Variants in MTAP observed in about 807,000 individuals in gnomAD.
MTAP encodes the protein methylthioadenosine phosphorylase.
Under a neutral mutation model 33.6 loss-of-function variants are expected in MTAP, and 33 were observed. The observed-to-expected ratio is 0.98, with a 90% CI of 0.74 to 1.31. The LOEUF (loss-of-function observed/expected upper bound fraction) is 1.31. Among genes scored for constraint, MTAP ranks in the 40% most tolerant of loss-of-function variants. The pLI, the probability that MTAP is intolerant of heterozygous loss-of-function variation, is 0.00. For synonymous variants in MTAP, 148 were observed against 125.7 expected (o/e 1.18, Z -1.19); for missense variants, 367 against 360.0 (o/e 1.02, Z -0.16).
intron 1 of MTAP, among the ~76,000 whole-genome samples, chr9:21,928,980 C>T (rs1031615852): frequency 6.6e-5 from 10 of 151,914 alleles, no homozygotes; most frequent in Non-Finnish European, 1.0e-4. Context: ...ACAAACCCAA[C>T]GTCGGAAGGG....
chr9:21,900,145 A>C (rs1035305369), intron 1 of MTAP, among the ~76,000 whole-genome samples: 1 of 152,210 alleles, frequency 6.6e-6, no homozygotes, highest in Non-Finnish European at 1.5e-5. Context: ...GGAAGACTCC[A>C]AAAGCAATTG....
chr9:21,876,492 A>G (rs1031099777), intron 1 of MTAP, among the ~76,000 whole-genome samples: 1 of 152,086 alleles, frequency 6.6e-6, no homozygotes, highest in Non-Finnish European at 1.5e-5. Context: ...CAGGGATTTT[A>G]TAGTTTGGAG....
chr9:21,807,875 T>TA (rs953078823), intron 1 of MTAP, among the ~76,000 whole-genome samples: 1 of 152,232 alleles, frequency 6.6e-6, no homozygotes, highest in African/African-American at 2.4e-5. Context: ...TATGGATTAG[T>TA]AAAAATCTTA....
chr9:21,823,866 A>G lies in MTAP; in HGVS notation c.347+5664A>G, dbSNP rs142803102. On this transcript the variant is annotated intron_variant, in intron 4 of 7. Transcript: ENST00000644715. ...CTTCATTTCATTCATCTGATCTTCAATCACTGATACCCTTTCTTCCAGTTG... is the reference window on the plus strand; with the variant it reads ...CTTCATTTCATTCATCTGATCTTCAGTCACTGATACCCTTTCTTCCAGTTG... Among the ~76,000 whole-genome samples, 1,153 of 152,246 alleles carry G rather than the reference A, an allele frequency of 7.6e-3. 12 individuals are homozygous for G. The highest frequency in any genetic ancestry group is 0.025 in the African/African-American group (1,039 of 41,548).
downstream of MTAP, chr9:21,932,125 T>C (rs1198940863): frequency 2.0e-5 from 3 of 152,204 alleles, no homozygotes; most frequent in Admixed American, 1.3e-4. Context: ...CTTCCCTCAA[T>C]TGAAACCACC....
At chr9:21,847,954 G>A (rs1348807860) in intron 5 of MTAP, among the ~76,000 whole-genome samples, 1 of 152,224 alleles carries the variant, frequency 6.6e-6, no homozygotes, top group Non-Finnish European at 1.5e-5. Context: ...GAACTGGGAT[G>A]TGTGGGAGGA....
At chr9:21,836,203 T>C (rs1235701794) in intron 4 of MTAP, among the ~76,000 whole-genome samples, 3 of 152,004 alleles carry the variant, frequency 2.0e-5, no homozygotes, top group African/African-American at 7.2e-5. Flanking sequence ...AAATGAAGAA[T>C]CAAAAAGATA....
chr9:21,821,051 T>C (rs1254420668), intron 4 of MTAP, among the ~76,000 whole-genome samples: 1 of 152,236 alleles, frequency 6.6e-6, no homozygotes, highest in African/African-American at 2.4e-5. Context: ...TTTCTAAATA[T>C]ACAGTCATGT....
chr9:21,873,419 T>G (rs917858267), intron 1 of MTAP, among the ~76,000 whole-genome samples: 1 of 152,038 alleles, frequency 6.6e-6, no homozygotes, highest in Non-Finnish European at 1.5e-5. Context: ...GGTAGAGCCT[T>G]TGGGGGTGAT....
chr9:21,890,828 T>C (rs940707791), intron 1 of MTAP, among the ~76,000 whole-genome samples: 4 of 152,026 alleles, frequency 2.6e-5, no homozygotes, highest in Admixed American at 2.6e-4. Flanking sequence ...GCAAGCTGTT[T>C]CCTTCAAAAG....
chr9:21,806,862 G>T (rs1179601179), intron 1 of MTAP, among the ~76,000 whole-genome samples: 1 of 152,020 alleles, frequency 6.6e-6, no homozygotes. Context: ...TTTCATTCTG[G>T]GAGATTAAAA....
intron 4 of MTAP, among the ~76,000 whole-genome samples, chr9:21,835,174 G>A (rs1232053115): frequency 6.6e-6 from 1 of 152,126 alleles, no homozygotes; most frequent in Admixed American, 6.5e-5. Flanking sequence ...TCTTTTATAA[G>A]GGGTCTGATC....
chr9:21,871,177 C>T (rs562467452), downstream of MTAP, among the ~76,000 whole-genome samples: 7 of 152,248 alleles, frequency 4.6e-5, no homozygotes, highest in South Asian at 4.2e-4. Context: ...GATTTTGAAG[C>T]GGCTGTCAAC....
At position 21,834,229 on chromosome 9, in the gene MTAP, A is replaced by G. The variant is rs1825045735; in HGVS notation, c.348-3679A>G. On this transcript the variant is annotated intron_variant, in intron 4 of 7. Transcript: ENST00000644715. Reference sequence around the variant, plus strand: ...GGGACTTTATAAGGTAAGTGGGATTACTCCCGTTTAAGGAAACTGATATAA... The same window carrying G: ...GGGACTTTATAAGGTAAGTGGGATTGCTCCCGTTTAAGGAAACTGATATAA... Among the ~76,000 whole-genome samples the G allele has an allele frequency of 2.0e-5, 3 of 152,250 alleles. No homozygotes were observed. The South Asian group carries it at 6.2e-4, about 32-fold the overall frequency.
At chr9:21,856,320 C>A in intron 6 of MTAP, 1 of 282,324 alleles carries the variant, frequency 3.5e-6, no homozygotes, top group Non-Finnish European at 5.3e-6. Context: ...CATAGATGAA[C>A]ACAGGTTCTT....
At chr9:21,825,359 G>C (rs1040814711) in intron 4 of MTAP, among the ~76,000 whole-genome samples, 1 of 152,150 alleles carries the variant, frequency 6.6e-6, no homozygotes, top group Non-Finnish European at 1.5e-5. Context: ...TGTCTTTCTT[G>C]ACGTAAAATT....
Position 21,837,944 on chromosome 9 carries a change from T to C in MTAP, c.384T>C (p.Ser128=), listed in dbSNP as rs748932989. The change falls in exon 5 of 8, where the codon AGT becomes AGC. Residue 128 remains serine (S), a synonymous_variant. Transcript: ENST00000644715. ...GACCTCAGTCCTTCTATGATGGAAG[T>C]CATTCTTGTGCCAGAGGAGTGTGCC... is the stretch of plus-strand genomic sequence containing the variant. ...TMRPQSFYDG[S]HSCARGVCHI... 6.2e-7 allele frequency: 1 copy of C among 1,614,158 alleles called. No homozygotes were observed. Among genetic ancestry groups the C allele is most frequent in the East Asian group, 2.2e-5 (1 of 44,884 alleles).
chr9:21,929,878 C>T (rs556251257), intron 1 of MTAP: 5 of 320,838 alleles, frequency 1.6e-5, no homozygotes, highest in South Asian at 1.5e-4. Flanking sequence ...GGCTCTTTCC[C>T]AGTATAGCTT....
At chr9:21,836,088 G>T (rs1166003493) in intron 4 of MTAP, among the ~76,000 whole-genome samples, 1 of 152,096 alleles carries the variant, frequency 6.6e-6, no homozygotes, top group Non-Finnish European at 1.5e-5. Context: ...CTCTAGCCCA[G>T]ACCCACACTT....
Sources: allele counts gnomAD v4.1 joint callset (sites outside exome capture counted in the v4.1 genomes callset), GRCh38; gene constraint gnomAD v4.1.1; transcripts MANE v1.5; gene names NCBI Gene and HGNC (gene_info 2026-07-23, HGNC 2026-07-21).